The following TLN2 variants were observed in gnomAD, a reference collection of about 807,000 sequenced individuals.
TLN2 encodes talin-2.
TLN2 carries 118 observed loss-of-function variants against 294.7 expected under a neutral mutation model. The ratio of observed to expected loss-of-function variants is 0.40; its 90% CI spans 0.34 to 0.47. The LOEUF is 0.47. Among genes scored for constraint, TLN2 ranks in the 20% least tolerant of loss-of-function variants. The pLI, the probability that TLN2 is intolerant of heterozygous loss-of-function variation, is 0.84. For missense variants in TLN2, 3,083 were observed against 3,282.2 expected (o/e 0.94, Z 1.48); for synonymous variants, 1,431 against 1,304.5 (o/e 1.10, Z -2.09).
rs546678440 is a variant in TLN2 at position 62,399,256 on chromosome 15, C to CAAAAAAAA, written c.-238+8593_-238+8600dup. Among the ~76,000 whole-genome samples the CAAAAAAAA allele has an allele frequency of 8.8e-3, 511 of 58,340 alleles. 50 individuals carry two copies. Among genetic ancestry groups the CAAAAAAAA allele is most frequent in the Non-Finnish European group, 0.01 (352 of 35,194 alleles). 38.3% of individuals were successfully genotyped at this position (58,340 alleles called of 152,430 possible). A position where few individuals can be genotyped will look rare whatever the true frequency, so the allele number is the denominator to read the frequency against. ...TGACAGAGCGAGACTCCGTCTCAAA[C>CAAAAAAAA]AAAAAAAAAAAAAAAAAAAAAAAAA... On this transcript the variant is annotated intron_variant, in intron 1 of 58. Transcript: ENST00000636159.
chr15:62,718,238 T>C (rs2140908371), intron 24 of TLN2, among the ~76,000 whole-genome samples: 1 of 152,294 alleles, frequency 6.6e-6, no homozygotes, highest in African/African-American at 2.4e-5. Flanking sequence ...AACACCCTTG[T>C]TGGTTTCTCT....
chr15:62,616,257 A>T (rs527704679), intron 2 of TLN2, among the ~76,000 whole-genome samples: 1 of 152,332 alleles, frequency 6.6e-6, no homozygotes, highest in South Asian at 2.1e-4. Context: ...TAGTTGGGTT[A>T]TACGAATGCC....
chr15:62,491,649 T>A (rs1287409699), intron 1 of TLN2, among the ~76,000 whole-genome samples: 1 of 152,206 alleles, frequency 6.6e-6, no homozygotes, highest in Admixed American at 6.5e-5. Flanking sequence ...TCTTAGTAGC[T>A]ATCTTTTTTT....
At chr15:62,622,685 C>T (rs1434428473) in intron 3 of TLN2, among the ~76,000 whole-genome samples, 1 of 152,180 alleles carries the variant, frequency 6.6e-6, no homozygotes, top group Non-Finnish European at 1.5e-5. Context: ...CTTACACATA[C>T]ATTCACTGAG....
chr15:62,828,443 G>T (rs549079456), intron 54 of TLN2: 1 of 152,380 alleles, frequency 6.6e-6, no homozygotes, highest in African/African-American at 2.4e-5. Context: ...TCATTAGGCA[G>T]AGTAGAAGCT....
chr15:62,614,616 A>G (rs932053523), intron 2 of TLN2, among the ~76,000 whole-genome samples: 5 of 152,196 alleles, frequency 3.3e-5, no homozygotes, highest in Non-Finnish European at 7.3e-5. Flanking sequence ...CTTTTTTGAC[A>G]TGAATAGACT....
At chr15:62,515,932 G>C (rs972478066) in intron 1 of TLN2, among the ~76,000 whole-genome samples, 1 of 152,164 alleles carries the variant, frequency 6.6e-6, no homozygotes, top group East Asian at 1.9e-4. Flanking sequence ...GCAGTAGCTC[G>C]CTGCTGCTGA....
intron 1 of TLN2, among the ~76,000 whole-genome samples, chr15:62,427,258 G>T (rs1263585866): frequency 1.3e-5 from 2 of 152,168 alleles, no homozygotes; most frequent in African/African-American, 4.8e-5. Context: ...GGAGGGCTGG[G>T]ATAGTGTGTG....
intron 2 of TLN2, among the ~76,000 whole-genome samples, chr15:62,603,435 T>TAGAGAG (rs141901652): frequency 1.3e-5 from 2 of 149,372 alleles, no homozygotes; most frequent in Admixed American, 6.7e-5. Flanking sequence ...TGTAGTGGCA[T>TAGAGAG]AGAGAGAGAG....
chr15:62,797,459 C>T (rs562233991), intron 48 of TLN2, 57 bp downstream of exon 48: 8 of 1,510,054 alleles, frequency 5.3e-6, no homozygotes, highest in South Asian at 2.6e-5. Context: ...CGCTGCACAT[C>T]GGGCCTCAGA....
intron 57 of TLN2, among the ~76,000 whole-genome samples, chr15:62,838,379 G>A (rs1293790603): frequency 6.6e-6 from 1 of 152,186 alleles, no homozygotes; most frequent in South Asian, 2.1e-4. Context: ...CAGTGAAGCC[G>A]GCACAGCACA....
At chr15:62,531,346 C>T (rs377295395) in intron 1 of TLN2, among the ~76,000 whole-genome samples, 2 of 152,156 alleles carry the variant, frequency 1.3e-5, no homozygotes, top group East Asian at 1.9e-4. Flanking sequence ...TGTGTTCTCA[C>T]GTGTGGAATC....
At chr15:62,434,903 T>G (rs1333745682) in intron 1 of TLN2, among the ~76,000 whole-genome samples, 1 of 152,206 alleles carries the variant, frequency 6.6e-6, no homozygotes, top group Admixed American at 6.5e-5. Context: ...CCATTAGCTA[T>G]TCTTTCTGAT....
rs553303602 is a variant in TLN2, at chr15:62,566,505, C to T, written c.-237-23182C>T. ...TATGGCCAGAAAATAGAGGGATGTGCATGGGGTATAGGGGAACTGGATGAC... is the reference window on the plus strand; with the variant it reads ...TATGGCCAGAAAATAGAGGGATGTGTATGGGGTATAGGGGAACTGGATGAC... On this transcript the variant is annotated intron_variant, in intron 1 of 58. Transcript: ENST00000636159. Among the ~76,000 whole-genome samples, 104 of 151,836 alleles carry T rather than the reference C, an allele frequency of 6.8e-4. 2 individuals carry two copies. The South Asian group carries it at 0.021, about 31-fold the overall frequency.
intron 1 of TLN2, among the ~76,000 whole-genome samples, chr15:62,465,027 C>G (rs1324959678): frequency 6.6e-6 from 1 of 151,528 alleles, no homozygotes; most frequent in Non-Finnish European, 1.5e-5. Context: ...TTTTTCCCCC[C>G]TTAAATGATC....
chr15:62,685,000 G>C (rs1348966026), intron 11 of TLN2, among the ~76,000 whole-genome samples: 1 of 151,354 alleles, frequency 6.6e-6, no homozygotes, highest in Non-Finnish European at 1.5e-5. Flanking sequence ...CAGTTTAGGT[G>C]TTGTTGCTAG....
intron 2 of TLN2, among the ~76,000 whole-genome samples, chr15:62,602,246 C>T (rs552074865): frequency 6.6e-6 from 1 of 152,124 alleles, no homozygotes; most frequent in Non-Finnish European, 1.5e-5. Context: ...ATACTCTGTT[C>T]TTTCATCTGT....
At chr15:62,485,075 T>C (rs550418254) in intron 1 of TLN2, among the ~76,000 whole-genome samples, 1 of 152,284 alleles carries the variant, frequency 6.6e-6, no homozygotes, top group East Asian at 1.9e-4. Flanking sequence ...AATCCAGCTA[T>C]GTGGTATCTC....
At chr15:62,470,647 A>G (rs1359580040) in intron 1 of TLN2, among the ~76,000 whole-genome samples, 1 of 152,212 alleles carries the variant, frequency 6.6e-6, no homozygotes, top group African/African-American at 2.4e-5. Flanking sequence ...TGCAGTTCTC[A>G]AGTGGCAGGT....
Sources: allele counts gnomAD v4.1 joint callset (sites outside exome capture counted in the v4.1 genomes callset), GRCh38; gene constraint gnomAD v4.1.1; transcripts MANE v1.5; gene names NCBI Gene and HGNC (gene_info 2026-07-23, HGNC 2026-07-21).